SPAG16: variants seen among roughly 807,000 people sequenced by gnomAD.
SPAG16 encodes sperm associated antigen 16, also known as sperm-associated antigen 16 protein.
Under a neutral mutation model 80.4 loss-of-function variants are expected in SPAG16, and 86 were observed. That is an observed-to-expected ratio of 1.07 (90% CI 0.90 to 1.28). SPAG16 has a LOEUF of 1.28. Ranked by LOEUF, SPAG16 falls within the 50% of genes most tolerant of loss-of-function variation. The pLI, the probability that SPAG16 is intolerant of heterozygous loss-of-function variation, is 0.00. For synonymous variants in SPAG16, 294 were observed against 265.9 expected (o/e 1.11, Z -1.03); for missense variants, 870 against 765.3 (o/e 1.14, Z -1.61).
At position 213,941,087 on chromosome 2, in the gene SPAG16, G is replaced by A. The variant is rs369695976; in HGVS notation, c.1400+10942G>A. On this transcript the variant is annotated intron_variant, in intron 12 of 15. Transcript: ENST00000331683. ...AACAGCCTTATTTATGTGGGTCACC[G>A]CAAAATGCCATCCCTTATATTCTAG... Among the ~76,000 whole-genome samples the A allele has an allele frequency of 1.9e-4, 29 of 152,104 alleles. No individual in the cohort carries two copies. The East Asian group carries it at 3.9e-3, about 20-fold the overall frequency.
At chr2:214,017,371 A>G (rs2047644558) in intron 13 of SPAG16, among the ~76,000 whole-genome samples, 1 of 152,162 alleles carries the variant, frequency 6.6e-6, no homozygotes, top group Non-Finnish European at 1.5e-5. Context: ...TATAAAAGTG[A>G]TTGGTAGAGG....
At chr2:214,409,276 G>A (rs78133679) in intron 15 of SPAG16, among the ~76,000 whole-genome samples, 289 of 151,942 alleles carry the variant, frequency 1.9e-3, no homozygotes, top group African/African-American at 6.7e-3. Context: ...TTCTAAGTAT[G>A]ATTAAATAAT....
chr2:213,875,653 G>C lies in SPAG16; in HGVS notation c.1214+13025G>C, dbSNP rs1220437447. Among the ~76,000 whole-genome samples the C allele has an allele frequency of 5.3e-5, 8 of 152,270 alleles. No individual in the cohort carries two copies. The South Asian group carries it at 1.2e-3, about 24-fold the overall frequency. On this transcript the variant is annotated intron_variant, in intron 11 of 15. Transcript: ENST00000331683. ...AAGGGACCAGACTCTGCGGAATTGA[G>C]ATCCTCTGAGTGTTAACATTTTCAG...
intron 10 of SPAG16, among the ~76,000 whole-genome samples, chr2:213,643,767 CTTTTTTT>C (rs71063764): frequency 5.4e-4 from 28 of 52,024 alleles, no homozygotes; most frequent in African/African-American, 2.0e-3. Flanking sequence ...CTCACTACTT[CTTTTTTT>C]TTTTTTTTTT....
chr2:214,286,056 C>A (rs1160141146), intron 15 of SPAG16, among the ~76,000 whole-genome samples: 2 of 151,976 alleles, frequency 1.3e-5, no homozygotes, highest in African/African-American at 4.8e-5. Flanking sequence ...TGACATTATG[C>A]AAAGTGAAGT....
At chr2:213,950,702 C>CTTT (rs59353089) in intron 12 of SPAG16, among the ~76,000 whole-genome samples, 1 of 99,708 alleles carries the variant, frequency 1.0e-5, no homozygotes, top group Non-Finnish European at 1.9e-5. Flanking sequence ...TTTTTTCTTT[C>CTTT]TTTTTTTTTT....
At position 214,376,467 on chromosome 2, in the gene SPAG16, C is replaced by G. The variant is rs1369294747; in HGVS notation, c.1721-33673C>G. On this transcript the variant is annotated intron_variant, in intron 15 of 15. Transcript: ENST00000331683. ...CCTTAAGCATTTCTTCAAACTCTGC[C>G]TGCTTGACCTAAGGAAACCAAACCT... 3.3e-5 allele frequency among the ~76,000 whole-genome samples: 5 copies of G among 152,184 alleles called. No homozygotes were observed. In the East Asian group the frequency reaches 9.6e-4, roughly 29 times the overall value.
At chr2:213,555,837 T>C (rs953787699) in intron 10 of SPAG16, among the ~76,000 whole-genome samples, 1 of 152,190 alleles carries the variant, frequency 6.6e-6, no homozygotes, top group Admixed American at 6.5e-5. Flanking sequence ...TGTGAATCAC[T>C]TGTATCTTTA....
intron 6 of SPAG16, among the ~76,000 whole-genome samples, chr2:213,348,487 A>C (rs1439041647): frequency 1.3e-5 from 2 of 151,924 alleles, no homozygotes; most frequent in African/African-American, 4.8e-5. Flanking sequence ...GGTCTTTACA[A>C]GTTGGCATGT....
At chr2:214,215,829 T>C (rs2058418201) in intron 15 of SPAG16, among the ~76,000 whole-genome samples, 1 of 152,254 alleles carries the variant, frequency 6.6e-6, no homozygotes, top group Admixed American at 6.5e-5. Context: ...TTCTGACCTC[T>C]ACCTTGATTT....
chr2:213,622,132 C>T (rs1017574769), intron 10 of SPAG16, among the ~76,000 whole-genome samples: 1 of 152,242 alleles, frequency 6.6e-6, no homozygotes, highest in African/African-American at 2.4e-5. Context: ...TATGCTAAAC[C>T]TCAAATGAGT....
chr2:214,190,117 C>CAT (rs1177846424), intron 15 of SPAG16, among the ~76,000 whole-genome samples: 4 of 152,032 alleles, frequency 2.6e-5, no homozygotes, highest in Non-Finnish European at 2.9e-5. Context: ...TAGCCACACA[C>CAT]CTGTCACTCT....
intron 9 of SPAG16, among the ~76,000 whole-genome samples, chr2:213,436,002 T>A (rs1222766322): frequency 1.3e-5 from 2 of 152,186 alleles, no homozygotes; most frequent in Non-Finnish European, 2.9e-5. Context: ...ATTACTTAGA[T>A]GTCTTTTAAT....
In SPAG16 at chr2:213,337,512, T is replaced by C. The variant is rs543858905; in HGVS notation, c.537-2651T>C. Among the ~76,000 whole-genome samples, 3 of 152,068 alleles carry C rather than the reference T, an allele frequency of 2.0e-5. No homozygotes were observed. The East Asian group carries it at 5.8e-4, about 29-fold the overall frequency. On this transcript the variant is annotated intron_variant, in intron 5 of 15. Transcript: ENST00000331683. The stretch of plus-strand genomic sequence containing the variant: ...AGGAGCTGTTTACCAACATAACTAG[T>C]ATAGAGAGGAATATAAATTACCTGA...
intron 10 of SPAG16, among the ~76,000 whole-genome samples, chr2:213,701,390 G>A (rs941090091): frequency 3.9e-5 from 6 of 152,080 alleles, no homozygotes; most frequent in South Asian, 4.2e-4. Flanking sequence ...ATAACGAGAG[G>A]TGCCAACGTG....
chr2:213,889,034 AC>A (rs2076675586), intron 11 of SPAG16, among the ~76,000 whole-genome samples: 2 of 151,778 alleles, frequency 1.3e-5, no homozygotes, highest in African/African-American at 4.8e-5. Context: ...TTATTAAAAA[AC>A]CTTTAAGGGA....
chr2:214,062,437 A>C (rs971597100), intron 13 of SPAG16, among the ~76,000 whole-genome samples: 7 of 150,508 alleles, frequency 4.7e-5, no homozygotes, highest in Non-Finnish European at 7.4e-5. Flanking sequence ...AAAAAAAAAA[A>C]AAAAAAAGAA....
chr2:213,335,837 T>A (rs968479381), intron 5 of SPAG16, among the ~76,000 whole-genome samples: 43 of 151,324 alleles, frequency 2.8e-4, no homozygotes, highest in African/African-American at 9.5e-4. Context: ...AAAATAACAG[T>A]AGAGGTCATT....
At position 214,076,527 on chromosome 2, in the gene SPAG16, GTGTGTGTGTGTGTGTC is replaced by G. The variant is rs1159042047; in HGVS notation, c.1528-31653_1528-31638del. On this transcript the variant is annotated intron_variant, in intron 13 of 15. Coordinates refer to ENST00000331683, the MANE Select transcript of SPAG16 (RefSeq NM_024532.5). ...CTTATTTTATTCTGTGTGTGTGTGTGTGTGTGTGTGTGTGTCTGTGTGTGTGTGTGTGTGTGTGTTT... is the reference window on the plus strand; with the variant it reads ...CTTATTTTATTCTGTGTGTGTGTGTGTGTGTGTGTGTGTGTGTGTGTGTTT... Among the ~76,000 whole-genome samples, 114 of 91,738 alleles carry G rather than the reference GTGTGTGTGTGTGTGTC, an allele frequency of 1.2e-3. 1 individual carries two copies. The South Asian group carries it at 0.014, about 11-fold the overall frequency. The allele number at this position is 91,738 out of a possible 152,430, so 60.2% of individuals were successfully genotyped here.
Sources: allele counts gnomAD v4.1 joint callset (sites outside exome capture counted in the v4.1 genomes callset), GRCh38; gene constraint gnomAD v4.1.1; transcripts MANE v1.5; gene names NCBI Gene and HGNC (gene_info 2026-07-23, HGNC 2026-07-21).